Variants in DPF3 observed in about 807,000 individuals in gnomAD.
The protein encoded by DPF3 is double PHD fingers 3, also known as zinc finger protein DPF3.
DPF3 carries 18 observed loss-of-function variants against 56.8 expected under a neutral mutation model. The observed-to-expected ratio is 0.32, with a 90% CI of 0.22 to 0.47. The LOEUF (loss-of-function observed/expected upper bound fraction) is 0.47. Ranked by LOEUF, DPF3 falls within the 20% of genes least tolerant of loss-of-function variation. DPF3 has a pLI of 1.00. For synonymous variants in DPF3, 188 were observed against 180.2 expected, an observed-to-expected ratio of 1.04 and a Z score of -0.35; for missense variants, 403 against 488.8, an observed-to-expected ratio of 0.82 and a Z score of 1.65.
At chr14:72,625,349 G>A (rs1049097604) in intron 9 of DPF3, among the ~76,000 whole-genome samples, 2 of 150,940 alleles carry the variant, frequency 1.3e-5, no homozygotes, top group African/African-American at 4.9e-5. Context: ...TTATTTTTTT[G>A]CTCAAGTTTT....
intron 1 of DPF3, among the ~76,000 whole-genome samples, chr14:72,833,526 G>A (rs1884152132): frequency 6.6e-6 from 1 of 152,068 alleles, no homozygotes; most frequent in Non-Finnish European, 1.5e-5. Context: ...CCAGAGAATT[G>A]GGGGCAAAAC....
chr14:72,801,363 A>G (rs1373068902), intron 1 of DPF3, among the ~76,000 whole-genome samples: 1 of 152,232 alleles, frequency 6.6e-6, no homozygotes, highest in African/African-American at 2.4e-5. Context: ...AGAAAAAAAT[A>G]AAAACATAGC....
At chr14:72,834,120 G>A (rs776029544) in intron 1 of DPF3, among the ~76,000 whole-genome samples, 4 of 151,916 alleles carry the variant, frequency 2.6e-5, no homozygotes, top group East Asian at 1.9e-4. Context: ...GAAGGTTGCC[G>A]TGAGCCGAGA....
intron 1 of DPF3, among the ~76,000 whole-genome samples, chr14:72,845,615 C>A (rs957493146): frequency 9.9e-5 from 15 of 152,282 alleles, no homozygotes; most frequent in African/African-American, 2.9e-4. Context: ...GCACCCAATG[C>A]CACTTTCCAG....
In DPF3 at chr14:72,612,785, G is replaced by A. The variant is rs146924863; in HGVS notation, c.*6512C>T. On this transcript the variant is annotated 3_prime_UTR_variant, in exon 11 of 11. Coordinates refer to ENST00000556509, the MANE Select transcript of DPF3 (RefSeq NM_001280542.3). The stretch of plus-strand genomic sequence containing the variant: ...TTCATGAAAAGAAGCATAGGTGAAC[G>A]AAGGGAAGAGAAGGAGAGAGGTCGC... Among the ~76,000 whole-genome samples, 122 of 152,358 alleles carry A rather than the reference G, an allele frequency of 8.0e-4. No homozygotes were observed. The highest frequency in any genetic ancestry group is 2.9e-3 in the South Asian group (14 of 4,832).
intron 1 of DPF3, among the ~76,000 whole-genome samples, chr14:72,825,831 A>T (rs1883776135): frequency 6.6e-6 from 1 of 152,136 alleles, no homozygotes; most frequent in African/African-American, 2.4e-5. Context: ...GGTCATTTGG[A>T]ATGAGGCAGG....
At chr14:72,707,227 T>C (rs1888444147) in intron 6 of DPF3, among the ~76,000 whole-genome samples, 2 of 152,200 alleles carry the variant, frequency 1.3e-5, no homozygotes, top group Non-Finnish European at 1.5e-5. Context: ...AGTCTATCAT[T>C]GTTGGACATT....
At position 72,799,948 on chromosome 14, in the gene DPF3, G is replaced by A. The variant is rs1472382132; in HGVS notation, c.33-28055C>T. ...TTGCTGAGCCCCTAGACCGAGTCAC[G>A]AGTGAAGAAGATACACTCACGAGCT... On this transcript the variant is annotated intron_variant, in intron 1 of 10. Transcript: ENST00000556509. Among the ~76,000 whole-genome samples the A allele has an allele frequency of 2.6e-5, 4 of 152,124 alleles. 1 individual carries two copies. In the East Asian group the frequency reaches 7.7e-4, roughly 29 times the overall value.
At chr14:72,812,319 G>A (rs1490943604) in intron 1 of DPF3, among the ~76,000 whole-genome samples, 1 of 152,186 alleles carries the variant, frequency 6.6e-6, no homozygotes, top group African/African-American at 2.4e-5. Context: ...AAAATAGCGA[G>A]GAGCTGGAAA....
intron 1 of DPF3, among the ~76,000 whole-genome samples, chr14:72,883,661 C>T (rs1384088006): frequency 6.6e-6 from 1 of 152,188 alleles, no homozygotes; most frequent in East Asian, 1.9e-4. Context: ...GGCATGGTGG[C>T]TTACGCCTGT....
chr14:72,670,656 TCTCG>T, intron 8 of DPF3: 1 of 990,214 alleles, frequency 1.0e-6, no homozygotes, highest in African/African-American at 1.8e-5. Context: ...TCTCTCTCTC[TCTCG>T]CAAAAAAAGT....
chr14:72,671,370 G>A (rs376133252), intron 8 of DPF3: 3 of 1,609,478 alleles, frequency 1.9e-6, no homozygotes, highest in Non-Finnish European at 2.6e-6. Context: ...TCAGCACATG[G>A]GTTAAGCAAC....
At chr14:72,872,809 C>A (rs1885955245) in intron 1 of DPF3, among the ~76,000 whole-genome samples, 1 of 152,176 alleles carries the variant, frequency 6.6e-6, no homozygotes, top group Non-Finnish European at 1.5e-5. Context: ...CTGACAAAAA[C>A]AAGCAATGGG....
intron 6 of DPF3, among the ~76,000 whole-genome samples, chr14:72,704,368 T>C (rs1278684082): frequency 6.6e-6 from 1 of 152,214 alleles, no homozygotes; most frequent in Non-Finnish European, 1.5e-5. Flanking sequence ...TCAGACCTGA[T>C]TACCCTAAGC....
chr14:72,844,150 C>A lies in DPF3; in HGVS notation c.32+49907G>T, dbSNP rs1884658916. On this transcript the variant is annotated intron_variant, in intron 1 of 10. Coordinates refer to ENST00000556509, the MANE Select transcript of DPF3 (RefSeq NM_001280542.3). Reference sequence around the variant, plus strand: ...CTGAGATATATAAAACACGGGTACACACATAACAGGTTCTAGTCCATGCAA... The same window carrying A: ...CTGAGATATATAAAACACGGGTACAAACATAACAGGTTCTAGTCCATGCAA... Among the ~76,000 whole-genome samples the A allele has an allele frequency of 2.6e-5, 4 of 152,324 alleles. No homozygotes were observed. In the South Asian group the frequency reaches 6.2e-4, roughly 24 times the overall value.
At chr14:72,808,462 G>A (rs1412287022) in intron 1 of DPF3, among the ~76,000 whole-genome samples, 15 of 152,188 alleles carry the variant, frequency 9.9e-5, no homozygotes, top group Non-Finnish European at 7.3e-5. Context: ...TACTACAAGT[G>A]GGACTTACAA....
At chr14:72,821,151 AT>A (rs1883520555) in intron 1 of DPF3, among the ~76,000 whole-genome samples, 1 of 150,956 alleles carries the variant, frequency 6.6e-6, no homozygotes, top group African/African-American at 2.4e-5. Flanking sequence ...AAAAAAAAAA[AT>A]TAGCGGGCGT....
At chr14:72,744,718 G>A (rs558396180) in intron 3 of DPF3, among the ~76,000 whole-genome samples, 83 of 152,128 alleles carry the variant, frequency 5.5e-4, no homozygotes, top group Non-Finnish European at 9.7e-4. Flanking sequence ...CCTGGACTTC[G>A]TTGCTGAAAC....
chr14:72,713,169 C>T (rs1888729068), intron 6 of DPF3, among the ~76,000 whole-genome samples: 1 of 152,244 alleles, frequency 6.6e-6, no homozygotes, highest in South Asian at 2.1e-4. Context: ...TGCCCTGCTC[C>T]TTCCTCATCC....
Sources: gnomAD v4.1 joint callset for allele counts (sites outside exome capture counted in the v4.1 genomes callset) on GRCh38, gnomAD v4.1.1 for gene constraint, MANE v1.5 for transcripts, NCBI Gene and HGNC (gene_info 2026-07-23, HGNC 2026-07-21) for gene names.